Variants in ZHX3 observed in about 807,000 individuals in gnomAD.
The protein encoded by ZHX3 is zinc fingers and homeoboxes protein 3.
A neutral mutation model predicts 64.5 loss-of-function variants in ZHX3; 20 were observed. The ratio of observed to expected loss-of-function variants is 0.31; its 90% confidence interval spans 0.22 to 0.45. The LOEUF is 0.45. Among genes scored for constraint, ZHX3 ranks in the 20% least tolerant of loss-of-function variants. ZHX3 has a pLI of 1.00. For synonymous variants in ZHX3, 423 were observed against 461.6 expected, an observed-to-expected ratio of 0.92 and a Z score of 1.07; for missense variants, 1,041 against 1,195.8, an observed-to-expected ratio of 0.87 and a Z score of 1.91.
intron 2 of ZHX3, among the ~76,000 whole-genome samples, chr20:41,207,629 A>T (rs1448431915): frequency 6.6e-6 from 1 of 152,282 alleles, no homozygotes; most frequent in East Asian, 1.9e-4. Context: ...ACAAAGAAAG[A>T]TGTTCTTTGA....
At chr20:41,304,814 C>G (rs1376085853) in intron 1 of ZHX3, among the ~76,000 whole-genome samples, 1 of 152,244 alleles carries the variant, frequency 6.6e-6, no homozygotes, top group East Asian at 1.9e-4. Context: ...ACTTGACACA[C>G]AGCAGAAGCT....
chr20:41,196,479 A>ATGT (rs2037625452), intron 3 of ZHX3, among the ~76,000 whole-genome samples: 4 of 282 alleles, frequency 0.014, no homozygotes, highest in Non-Finnish European at 0.038. Flanking sequence ...ATATATTTAT[A>ATGT]TATTATAAAT....
rs80155709 is a variant in ZHX3 at position 41,281,007 on chromosome 20, T to C, written c.-244-11924A>G. Among the ~76,000 whole-genome samples, 4 of 152,004 alleles carry C rather than the reference T, an allele frequency of 2.6e-5. No individual in the cohort carries two copies. In the East Asian group the frequency reaches 7.7e-4, roughly 29 times the overall value. On this transcript the variant is annotated intron_variant, in intron 1 of 3. Coordinates refer to ENST00000683867, the MANE Select transcript of ZHX3 (RefSeq NM_001384317.1). Reference sequence around the variant, plus strand: ...GGGTCTGCCAAGTTTACATGATGTATAACAATATTGAAAAAAAGTAAATGT... The same window carrying C: ...GGGTCTGCCAAGTTTACATGATGTACAACAATATTGAAAAAAAGTAAATGT...
In ZHX3 at chr20:41,200,531, G is replaced by A. The variant is rs1170788173; in HGVS notation, c.2860+1526C>T. Among the ~76,000 whole-genome samples the A allele has an allele frequency of 2.0e-5, 3 of 152,150 alleles. No homozygotes were observed. The highest frequency in any genetic ancestry group is 1.3e-4 in the Admixed American group (2 of 15,280). ...TGCCATCAGCTACTTTATAAAGCAG[G>A]CTGTGAGCTGTGGGCCCCAAAGGAG... On this transcript the variant is annotated intron_variant, in intron 3 of 3. Coordinates refer to ENST00000683867, the MANE Select transcript of ZHX3 (RefSeq NM_001384317.1). The surrounding 1 kb of genome is among the most constrained non-coding windows in gnomAD (Gnocchi z 4.2).
chr20:41,265,715 C>A (rs527881126), intron 2 of ZHX3, among the ~76,000 whole-genome samples: 1 of 152,064 alleles, frequency 6.6e-6, no homozygotes, highest in South Asian at 2.1e-4. Context: ...TAATGTGTAG[C>A]CAAGTAGAGA....
chr20:41,311,839 T>C (rs1209044366), intron 1 of ZHX3, among the ~76,000 whole-genome samples: 1 of 152,258 alleles, frequency 6.6e-6, no homozygotes, highest in Non-Finnish European at 1.5e-5. Context: ...GCAATGGACC[T>C]GGTACATACG....
In ZHX3 at chr20:41,181,338, T is replaced by C. The variant is rs1409764599; in HGVS notation, c.*3853A>G. The C allele has an allele frequency of 6.6e-6, 1 of 152,152 alleles. No individual in the cohort carries two copies. The highest frequency in any genetic ancestry group is 1.5e-5 in the Non-Finnish European group (1 of 68,028). 9.4% of individuals were successfully genotyped at this position (152,152 alleles called of 1,614,324 possible). ...TTTAATACAAAAGCACATCTGCAAA[T>C]GGTGAGTCAAACTGGTGAAATCTCC... On this transcript the variant is annotated 3_prime_UTR_variant, in exon 4 of 4. Coordinates refer to ENST00000683867, the MANE Select transcript of ZHX3 (RefSeq NM_001384317.1).
chr20:41,238,992 CTTTTTT>C (rs36076017), intron 2 of ZHX3, among the ~76,000 whole-genome samples: 2 of 86,326 alleles, frequency 2.3e-5, no homozygotes, highest in African/African-American at 1.0e-4. Flanking sequence ...TTTTCTCTCT[CTTTTTT>C]TTTTTTTTTT....
chr20:41,313,762 T>A (rs1170078261), intron 1 of ZHX3, among the ~76,000 whole-genome samples: 1 of 152,162 alleles, frequency 6.6e-6, no homozygotes, highest in East Asian at 1.9e-4. Context: ...CACACCTGGC[T>A]AATTTTTGTA....
In ZHX3 at chr20:41,290,820, T is replaced by C. The variant is rs149012688; in HGVS notation, c.-244-21737A>G. 3.9e-3 allele frequency among the ~76,000 whole-genome samples: 595 copies of C among 152,326 alleles called. 8 individuals carry two copies. Among genetic ancestry groups the C allele is most frequent in the East Asian group, 0.02 (106 of 5,186 alleles). ...GACAGCTTCAAGGTCTAAATGATCA[T>C]GTGGAAAAGTGGCTACAGGGACTCA... On this transcript the variant is annotated intron_variant, in intron 1 of 3. Transcript: ENST00000683867.
intron 1 of ZHX3, among the ~76,000 whole-genome samples, chr20:41,273,649 A>G (rs2043251465): frequency 1.3e-5 from 2 of 152,180 alleles, no homozygotes; most frequent in African/African-American, 4.8e-5. Flanking sequence ...CTGTTCTCAA[A>G]GGTCACAGAT....
chr20:41,266,614 C>T (rs573939233), intron 2 of ZHX3, among the ~76,000 whole-genome samples: 2 of 150,404 alleles, frequency 1.3e-5, no homozygotes, highest in South Asian at 2.1e-4. Context: ...GGTGCGATCT[C>T]GGCTCACTGC....
At chr20:41,192,683 C>T (rs1348591456) in intron 3 of ZHX3, among the ~76,000 whole-genome samples, 1 of 152,264 alleles carries the variant, frequency 6.6e-6, no homozygotes, top group Non-Finnish European at 1.5e-5. Flanking sequence ...AGTTCTCTTA[C>T]ACCTCAGCCC....
chr20:41,257,802 G>A (rs764041638), intron 2 of ZHX3, among the ~76,000 whole-genome samples: 3 of 145,116 alleles, frequency 2.1e-5, no homozygotes, highest in Non-Finnish European at 4.5e-5. Flanking sequence ...TAGTAGAGAC[G>A]GGGTTTCACC....
intron 1 of ZHX3, among the ~76,000 whole-genome samples, chr20:41,312,003 G>A (rs2045151166): frequency 6.6e-6 from 1 of 152,136 alleles, no homozygotes; most frequent in Non-Finnish European, 1.5e-5. Context: ...CTCTATTGGG[G>A]GAGTAGACAA....
At chr20:41,316,370 T>G (rs868659071) in intron 1 of ZHX3, among the ~76,000 whole-genome samples, 11 of 152,250 alleles carry the variant, frequency 7.2e-5, no homozygotes, top group African/African-American at 2.7e-4. Context: ...AGTGCGCTTT[T>G]GGCTCCTTCT....
chr20:41,208,354 G>A (rs1400419023), intron 2 of ZHX3, among the ~76,000 whole-genome samples: 5 of 151,998 alleles, frequency 3.3e-5, no homozygotes, highest in African/African-American at 7.3e-5. Flanking sequence ...GGCCAACATC[G>A]TCCTGATACC....
At chr20:41,241,272 C>T (rs1434894909) in intron 2 of ZHX3, among the ~76,000 whole-genome samples, 5 of 152,194 alleles carry the variant, frequency 3.3e-5, no homozygotes, top group Admixed American at 1.3e-4. Flanking sequence ...TGATGCTGAG[C>T]ACTTTTTCCT....
chr20:41,247,736 G>A (rs2041781683), intron 2 of ZHX3, among the ~76,000 whole-genome samples: 1 of 152,062 alleles, frequency 6.6e-6, no homozygotes, highest in African/African-American at 2.4e-5. Flanking sequence ...TGCCCTCCCT[G>A]TATGCTCCCC....
Sources: allele counts gnomAD v4.1 joint callset (sites outside exome capture counted in the v4.1 genomes callset), GRCh38; gene constraint gnomAD v4.1.1; non-coding constraint Gnocchi (gnomAD v3.1); transcripts MANE v1.5; gene names NCBI Gene and HGNC (gene_info 2026-07-23, HGNC 2026-07-21).